TMEM132B: variants seen among roughly 807,000 people sequenced by gnomAD.
TMEM132B encodes the protein transmembrane protein 132B.
A neutral mutation model predicts 90.8 loss-of-function variants in TMEM132B; 18 were observed. The ratio of observed to expected loss-of-function variants is 0.20; its 90% confidence interval spans 0.14 to 0.29. The LOEUF is 0.29. TMEM132B is among the 10% of genes least tolerant of loss of function. TMEM132B has a pLI of 1.00. For missense variants in TMEM132B, 1,096 were observed against 1,326.8 expected, an observed-to-expected ratio of 0.83 and a Z score of 2.70; for synonymous variants, 504 against 523.3, an observed-to-expected ratio of 0.96 and a Z score of 0.50.
chr12:125,471,535 A>G (rs1417760486), intron 3 of TMEM132B, among the ~76,000 whole-genome samples: 1 of 152,192 alleles, frequency 6.6e-6, no homozygotes, highest in East Asian at 1.9e-4. Context: ...CACTGTAGTG[A>G]TGATTCAGAC....
chr12:125,447,736 A>T (rs1406445514), intron 3 of TMEM132B, among the ~76,000 whole-genome samples: 1 of 152,088 alleles, frequency 6.6e-6, no homozygotes, highest in African/African-American at 2.4e-5. Context: ...ACTTTATTTC[A>T]TTTTTATTCT....
intron 2 of TMEM132B, among the ~76,000 whole-genome samples, chr12:125,355,630 C>A (rs1877741166): frequency 6.6e-6 from 1 of 152,136 alleles, no homozygotes; most frequent in African/African-American, 2.4e-5. Context: ...AGATACTTTT[C>A]TTAGGCCTAA....
intron 3 of TMEM132B, among the ~76,000 whole-genome samples, chr12:125,508,768 C>T (rs995894504): frequency 1.3e-4 from 20 of 148,558 alleles, no homozygotes; most frequent in Admixed American, 2.0e-4. Flanking sequence ...CTTTTTTTTT[C>T]TTTCTTTCTT....
chr12:125,270,016 A>G (rs1047334871), intron 1 of TMEM132B, among the ~76,000 whole-genome samples: 1 of 151,644 alleles, frequency 6.6e-6, no homozygotes, highest in African/African-American at 2.4e-5. Context: ...GCAGTAGAAC[A>G]TGACCCTGTC....
intron 1 of TMEM132B, among the ~76,000 whole-genome samples, chr12:125,202,332 T>C (rs1187606512): frequency 6.6e-6 from 1 of 152,262 alleles, no homozygotes; most frequent in Non-Finnish European, 1.5e-5. Flanking sequence ...TATCTCACAG[T>C]TCCTGTGGGC....
intron 1 of TMEM132B, among the ~76,000 whole-genome samples, chr12:125,233,414 C>T (rs1188255196): frequency 1.3e-5 from 2 of 152,198 alleles, no homozygotes; most frequent in East Asian, 3.9e-4. Flanking sequence ...CCATCATCTC[C>T]ACCTTCCAGG....
At chr12:125,306,308 C>G (rs1326916553) in intron 1 of TMEM132B, among the ~76,000 whole-genome samples, 1 of 152,246 alleles carries the variant, frequency 6.6e-6, no homozygotes, top group Non-Finnish European at 1.5e-5. Flanking sequence ...CTTGGAGCCT[C>G]AGGTTTTAGC....
At position 125,299,685 on chromosome 12, in the gene TMEM132B, C is replaced by T. The variant is rs1565996359; in HGVS notation, c.68-49767C>T. ...CCACCCTTGTCACCGCTTTTCCAGA[C>T]GCATGTCACCACGTCAGTGTCAGTG... On this transcript the variant is annotated intron_variant, in intron 1 of 8. Transcript: ENST00000682704. Among the ~76,000 whole-genome samples, 4 of 152,224 alleles carry T rather than the reference C, an allele frequency of 2.6e-5. No homozygotes were observed. The South Asian group carries it at 6.2e-4, about 24-fold the overall frequency.
chr12:125,529,880 T>G (rs560367077), intron 4 of TMEM132B, among the ~76,000 whole-genome samples: 1 of 152,346 alleles, frequency 6.6e-6, no homozygotes, highest in South Asian at 2.1e-4. Flanking sequence ...TGAATGATTG[T>G]GTATCATTTT....
chr12:125,442,761 A>G (rs1295944066), intron 3 of TMEM132B, among the ~76,000 whole-genome samples: 1 of 152,218 alleles, frequency 6.6e-6, no homozygotes, highest in Non-Finnish European at 1.5e-5. Context: ...CTTGTATAAA[A>G]TAATAGTCTG....
At chr12:125,190,880 T>C (rs1157203653) in intron 1 of TMEM132B, among the ~76,000 whole-genome samples, 4 of 13,374 alleles carry the variant, frequency 3.0e-4, no homozygotes, top group Admixed American at 9.0e-4. Flanking sequence ...GAAGGGGTGG[T>C]GATGGTGATG....
At chr12:125,447,558 A>G (rs1333655009) in intron 3 of TMEM132B, among the ~76,000 whole-genome samples, 1 of 152,164 alleles carries the variant, frequency 6.6e-6, no homozygotes, top group Non-Finnish European at 1.5e-5. Flanking sequence ...TATTATTTTA[A>G]TAGTCAACAC....
chr12:125,191,736 T>G (rs1872797801), intron 1 of TMEM132B, among the ~76,000 whole-genome samples: 1 of 152,220 alleles, frequency 6.6e-6, no homozygotes, highest in African/African-American at 2.4e-5. Context: ...TCCTTTCAGA[T>G]TCTGTGCCCC....
chr12:125,326,533 T>A (rs1566002519), intron 1 of TMEM132B: 1 of 1,347,740 alleles, frequency 7.4e-7, no homozygotes, highest in East Asian at 2.7e-5. Flanking sequence ...TTAATGCTGT[T>A]TGATGGGGGG....
intron 4 of TMEM132B, among the ~76,000 whole-genome samples, chr12:125,558,181 G>T (rs896440044): frequency 1.3e-5 from 2 of 152,186 alleles, no homozygotes; most frequent in Non-Finnish European, 2.9e-5. Flanking sequence ...ATCAGAGGTT[G>T]TCACTGGATG....
At chr12:125,615,401 T>C (rs1187003016) in intron 5 of TMEM132B, among the ~76,000 whole-genome samples, 3 of 151,350 alleles carry the variant, frequency 2.0e-5, no homozygotes, top group Non-Finnish European at 2.9e-5. Flanking sequence ...TCACTTGTAT[T>C]GATTCTTTTT....
At chr12:125,293,214 A>G (rs1230885817) in intron 1 of TMEM132B, among the ~76,000 whole-genome samples, 1 of 152,238 alleles carries the variant, frequency 6.6e-6, no homozygotes, top group Non-Finnish European at 1.5e-5. Context: ...GGTTGCTCAC[A>G]TGGACAAGAG....
chr12:125,605,795 A>G (rs962780056), intron 5 of TMEM132B, among the ~76,000 whole-genome samples: 2 of 152,204 alleles, frequency 1.3e-5, no homozygotes, highest in African/African-American at 2.4e-5. Context: ...TTGGTTCACC[A>G]TCCCCCAGGT....
chr12:125,367,434 T>G (rs765575957), intron 2 of TMEM132B, among the ~76,000 whole-genome samples: 43 of 152,176 alleles, frequency 2.8e-4, no homozygotes, highest in Admixed American at 1.3e-4. Flanking sequence ...TTGAGACTGA[T>G]CTGCATATAC....
Sources: allele counts gnomAD v4.1 joint callset (sites outside exome capture counted in the v4.1 genomes callset), GRCh38; gene constraint gnomAD v4.1.1; transcripts MANE v1.5; gene names NCBI Gene and HGNC (gene_info 2026-07-23, HGNC 2026-07-21).